The following KIF26B variants were observed in gnomAD, a reference collection of about 807,000 sequenced individuals.
KIF26B encodes the protein kinesin family member 26B.
A neutral mutation model predicts 151.2 loss-of-function variants in KIF26B; 63 were observed. The observed-to-expected ratio is 0.42, with a 90% CI of 0.34 to 0.51. The LOEUF is 0.51. Among genes scored for constraint, KIF26B ranks in the 20% least tolerant of loss-of-function variants. The probability of loss-of-function intolerance (pLI) is 0.07; values close to 1 mark genes in which losing one functional copy is unlikely to be tolerated. For synonymous variants in KIF26B, 1,357 were observed against 1,262.1 expected, an observed-to-expected ratio of 1.08 and a Z score of -1.59; for missense variants, 2,813 against 2,913.6, an observed-to-expected ratio of 0.97 and a Z score of 0.79.
chr1:245,384,617 T>C (rs956327442), intron 3 of KIF26B, among the ~76,000 whole-genome samples: 7 of 152,164 alleles, frequency 4.6e-5, no homozygotes, highest in African/African-American at 1.7e-4. Context: ...GAAAATGAGG[T>C]ACAAGTTGAT....
At chr1:245,463,131 C>A (rs1659688874) in intron 4 of KIF26B, among the ~76,000 whole-genome samples, 1 of 152,204 alleles carries the variant, frequency 6.6e-6, no homozygotes, top group South Asian at 2.1e-4. Flanking sequence ...CTGGTAGGAA[C>A]AGCACTCACC....
intron 10 of KIF26B, among the ~76,000 whole-genome samples, chr1:245,671,896 A>G (rs577782341): frequency 6.6e-6 from 1 of 152,322 alleles, no homozygotes; most frequent in Admixed American, 6.5e-5. Flanking sequence ...TTCAGGGCGT[A>G]GTGAATAGAG....
At chr1:245,439,138 A>G (rs1285915046) in intron 4 of KIF26B, among the ~76,000 whole-genome samples, 1 of 152,118 alleles carries the variant, frequency 6.6e-6, no homozygotes, top group African/African-American at 2.4e-5. Context: ...ACTTGGGTCC[A>G]GGAGTTTGAG....
chr1:245,163,340 C>A (rs1193843285), intron 2 of KIF26B, among the ~76,000 whole-genome samples: 1 of 152,114 alleles, frequency 6.6e-6, no homozygotes, highest in Non-Finnish European at 1.5e-5. Flanking sequence ...TGGGGTTTCA[C>A]CATGTTGTCC....
rs1266889335 is a variant in KIF26B, at chr1:245,564,965, A to G, written c.1350+24015A>G. On this transcript the variant is annotated intron_variant, in intron 5 of 14. Coordinates refer to ENST00000407071, the MANE Select transcript of KIF26B (RefSeq NM_018012.4). This position sits in a 1 kb window ranked among gnomAD's most constrained non-coding sequence, Gnocchi z 4.6. Reference sequence around the variant, plus strand: ...CTTCTGCTGTGTGGCCTGCTTCTTAACAGGACACCGACTAGCACTGGTCCG... The same window carrying G: ...CTTCTGCTGTGTGGCCTGCTTCTTAGCAGGACACCGACTAGCACTGGTCCG... 2.0e-5 allele frequency among the ~76,000 whole-genome samples: 3 copies of G among 152,094 alleles called. No individual in the cohort carries two copies. In the East Asian group the frequency reaches 5.8e-4, roughly 29 times the overall value.
In KIF26B at chr1:245,659,962, C is replaced by T. The variant is rs376886904; in HGVS notation, c.2258+13682C>T. ...ACTCAGGAGCCTGAGGCAGGCGAAT[C>T]GCTTGAACCCCGGGAGGTGGAGGTT... On this transcript the variant is annotated intron_variant, in intron 10 of 14. Transcript: ENST00000407071. Among the ~76,000 whole-genome samples, 575 of 151,452 alleles carry T rather than the reference C, an allele frequency of 3.8e-3. 5 individuals are homozygous for T. The highest frequency in any genetic ancestry group is 0.013 in the African/African-American group (557 of 41,266).
At chr1:245,472,964 A>G (rs1659947307) in intron 4 of KIF26B, among the ~76,000 whole-genome samples, 1 of 152,246 alleles carries the variant, frequency 6.6e-6, no homozygotes, top group Admixed American at 6.5e-5. Flanking sequence ...TGTTGAGATG[A>G]AAATCACCAA....
chr1:245,172,551 T>C (rs551713655), intron 2 of KIF26B, among the ~76,000 whole-genome samples: 1 of 152,260 alleles, frequency 6.6e-6, no homozygotes, highest in African/African-American at 2.4e-5. Context: ...GGCTCACACC[T>C]GTAATGCCAG....
intron 10 of KIF26B, among the ~76,000 whole-genome samples, chr1:245,670,863 A>G (rs1249138329): frequency 6.6e-6 from 1 of 152,198 alleles, no homozygotes; most frequent in Non-Finnish European, 1.5e-5. Flanking sequence ...AAACAATTCA[A>G]TTACACTCTT....
chr1:245,649,403 G>A (rs750743796), intron 10 of KIF26B, among the ~76,000 whole-genome samples: 6 of 152,152 alleles, frequency 3.9e-5, no homozygotes, highest in African/African-American at 9.7e-5. Context: ...CCGAAATGTC[G>A]GAGCTGCCTT....
intron 2 of KIF26B, among the ~76,000 whole-genome samples, chr1:245,224,145 T>TGTG (rs1375295520): frequency 2.6e-5 from 4 of 151,768 alleles, no homozygotes; most frequent in Admixed American, 2.0e-4. Context: ...ATTAGCCGGG[T>TGTG]GTGGTGGCGC....
In KIF26B at chr1:245,642,529, C is replaced by G. The variant is rs547766789; in HGVS notation, c.2099-3592C>G. On this transcript the variant is annotated intron_variant, in intron 9 of 14. Coordinates refer to ENST00000407071, the MANE Select transcript of KIF26B (RefSeq NM_018012.4). ...TGAGCCGTGATTGCAACACTGCACT[C>G]CAGCCTGGGGGACAGAGCGAGACTC... Among the ~76,000 whole-genome samples, 48 of 144,496 alleles carry G rather than the reference C, an allele frequency of 3.3e-4. 1 individual carries two copies. The South Asian group carries it at 0.01, about 31-fold the overall frequency. The allele number at this position is 144,496 out of a possible 152,430, so 94.8% of individuals were successfully genotyped here.
chr1:245,385,326 T>G (rs1416234350), intron 3 of KIF26B, among the ~76,000 whole-genome samples: 3 of 152,242 alleles, frequency 2.0e-5, no homozygotes. Context: ...GTGCAACATT[T>G]GGGGTTAATT....
chr1:245,364,976 C>T (rs536226554), intron 2 of KIF26B, among the ~76,000 whole-genome samples: 9 of 152,206 alleles, frequency 5.9e-5, no homozygotes, highest in East Asian at 3.9e-4. Context: ...CTTCTGTGTC[C>T]GTGGGAAAAT....
intron 2 of KIF26B, among the ~76,000 whole-genome samples, chr1:245,324,001 T>G (rs1671936986): frequency 5.5e-5 from 6 of 109,252 alleles, no homozygotes; most frequent in African/African-American, 1.9e-4. Context: ...AGAGGTAGAG[T>G]TGGTGTGGAC....
chr1:245,450,380 G>C (rs1195134051), intron 4 of KIF26B, among the ~76,000 whole-genome samples: 2 of 152,200 alleles, frequency 1.3e-5, no homozygotes, highest in Non-Finnish European at 2.9e-5. Context: ...CAGGTGTTCT[G>C]AAAGGTGGAA....
intron 4 of KIF26B, among the ~76,000 whole-genome samples, chr1:245,421,881 A>G (rs554688241): frequency 1.8e-4 from 27 of 152,254 alleles, no homozygotes; most frequent in Non-Finnish European, 3.2e-4. Flanking sequence ...AGGTCAGGAT[A>G]TCAGAGGAGG....
chr1:245,286,892 G>A (rs561637444), intron 2 of KIF26B, among the ~76,000 whole-genome samples: 25 of 152,308 alleles, frequency 1.6e-4, no homozygotes, highest in Admixed American at 4.6e-4. Context: ...CAGATCACTT[G>A]AGGTCAGGAG....
rs569730215 is a variant in KIF26B at position 245,403,551 on chromosome 1, TGC to T, written c.1000-16021_1000-16020del. On this transcript the variant is annotated intron_variant, in intron 3 of 14. Transcript: ENST00000407071. ...AGAGCAGTTCTGGGGTGTGTGTGTG[TGC>T]GCGCGCATGTGTGTGTGTCCACGTG... is the stretch of plus-strand genomic sequence containing the variant. Among the ~76,000 whole-genome samples the T allele has an allele frequency of 1.9e-4, 29 of 152,266 alleles. 1 individual carries two copies. The South Asian group carries it at 5.4e-3, about 28-fold the overall frequency.
Sources: allele counts gnomAD v4.1 joint callset (sites outside exome capture counted in the v4.1 genomes callset), GRCh38; gene constraint gnomAD v4.1.1; non-coding constraint Gnocchi (gnomAD v3.1); transcripts MANE v1.5; gene names NCBI Gene and HGNC (gene_info 2026-07-23, HGNC 2026-07-21).